Variants in ZMYND11 observed in about 807,000 individuals in gnomAD.
ZMYND11 encodes the protein zinc finger MYND domain-containing protein 11.
Under a neutral mutation model 84.9 loss-of-function variants are expected in ZMYND11, and 9 were observed. That is an observed-to-expected ratio of 0.11 (90% CI 0.06 to 0.18). The LOEUF is 0.18. Among genes scored for constraint, ZMYND11 ranks in the 10% least tolerant of loss-of-function variants. The probability of loss-of-function intolerance (pLI) is 1.00; values close to 1 mark genes in which losing one functional copy is unlikely to be tolerated. For synonymous variants in ZMYND11, 250 were observed against 244.1 expected (o/e 1.02, Z -0.23); for missense variants, 409 against 761.0 (o/e 0.54, Z 5.44).
Position 246,962 on chromosome 10 carries a change from A to T in ZMYND11, c.1147A>T (p.Ser383Cys). The T allele has an allele frequency of 6.2e-7, 1 of 1,605,966 alleles. No homozygotes were observed. Residue 383 changes from serine (S) to cysteine (C), a missense_variant, in exon 11 of 15, where the codon AGT (serine) becomes TGT (cysteine). Around this residue, in one of 7 missense-constraint regions of ZMYND11, gnomAD observed 19 missense variants for 60.5 expected, o/e 0.31. Transcript: ENST00000381604. ...EEAESSISSTSNEQLKVTQEP... is the reference protein window; with the variant it reads ...EEAESSISSTCNEQLKVTQEP... ...GGCAGAATCCAGTATCTCCTCCACC[A>T]GTAATGAGCAGGTGAGTGTGTCTCC... is the stretch of plus-strand genomic sequence containing the variant.
Position 252,498 on chromosome 10 carries a change from T to C in ZMYND11, c.*28T>C. On this transcript the variant is annotated 3_prime_UTR_variant, in exon 15 of 15. Transcript: ENST00000381604. This position sits in a 1 kb window ranked among gnomAD's most constrained non-coding sequence, Gnocchi z 4.6. Reference sequence around the variant, plus strand: ...CTGGCCCTTCCCGGAGTCACCCCGATGATTACTCTTTTCAGACACAGCGGT... The same window carrying C: ...CTGGCCCTTCCCGGAGTCACCCCGACGATTACTCTTTTCAGACACAGCGGT... The C allele has an allele frequency of 2.5e-6, 4 of 1,596,760 alleles. No individual in the cohort carries two copies. Among genetic ancestry groups the C allele is most frequent in the Non-Finnish European group, 3.4e-6 (4 of 1,174,396 alleles).
At chr10:150,594 C>T (rs1041918820) in intron 1 of ZMYND11, among the ~76,000 whole-genome samples, 3 of 152,146 alleles carry the variant, frequency 2.0e-5, no homozygotes, top group Non-Finnish European at 2.9e-5. Flanking sequence ...CCTGGAGGCT[C>T]GAACTGGGTG....
At position 212,422 on chromosome 10, in the gene ZMYND11, G is replaced by T. The variant is rs532616818; in HGVS notation, c.276+2374G>T. Among the ~76,000 whole-genome samples the T allele has an allele frequency of 5.9e-4, 90 of 151,610 alleles. 1 individual carries two copies. In the Middle Eastern group the frequency reaches 0.021, roughly 35 times the overall value. On this transcript the variant is annotated intron_variant, in intron 3 of 14. Transcript: ENST00000381604. ...ATTCTAAAATGGCTGTATAATATAAGCACAAGTGAATATATCAAAATTGTG... is the reference window on the plus strand; with the variant it reads ...ATTCTAAAATGGCTGTATAATATAATCACAAGTGAATATATCAAAATTGTG...
At chr10:203,807 A>G (rs1358264284) in intron 2 of ZMYND11, among the ~76,000 whole-genome samples, 1 of 152,234 alleles carries the variant, frequency 6.6e-6, no homozygotes, top group East Asian at 1.9e-4. Flanking sequence ...AGTTTCTGGA[A>G]GGAATCAAGC....
intron 3 of ZMYND11, among the ~76,000 whole-genome samples, chr10:219,952 T>C (rs1190757524): frequency 6.6e-6 from 1 of 152,200 alleles, no homozygotes. Flanking sequence ...TGGATGTGGT[T>C]TGGAAGACAT....
Position 254,012 on chromosome 10 carries a change from G to GT in ZMYND11, c.*1543dup, listed in dbSNP as rs1953953351. 2 of 152,388 alleles carry GT rather than the reference G, an allele frequency of 1.3e-5. No homozygotes were observed. The highest frequency in any genetic ancestry group is 2.9e-5 in the Non-Finnish European group (2 of 68,040). 9.4% of individuals were successfully genotyped at this position (152,388 alleles called of 1,614,324 possible). A position where few individuals can be genotyped will look rare whatever the true frequency, so the allele number is the denominator to read the frequency against. On this transcript the variant is annotated 3_prime_UTR_variant, in exon 15 of 15. Transcript: ENST00000381604. ...CACAATATTTTGTAAAAAGTACCCA[G>GT]TAGCCCCATTTCATACAATGTACCT...
chr10:197,961 A>G (rs1355916505), intron 2 of ZMYND11: 7 of 660,528 alleles, frequency 1.1e-5, no homozygotes, highest in Non-Finnish European at 1.9e-5. Flanking sequence ...TTACATCATT[A>G]CACAGATATG....
chr10:167,201 GC>G (rs1844206602), intron 1 of ZMYND11, among the ~76,000 whole-genome samples: 1 of 152,068 alleles, frequency 6.6e-6, no homozygotes, highest in Non-Finnish European at 1.5e-5. Context: ...AGTTAGTGCT[GC>G]CAGATTGTGT....
chr10:231,197 A>G (rs1205888346), intron 4 of ZMYND11, among the ~76,000 whole-genome samples: 6 of 152,332 alleles, frequency 3.9e-5, no homozygotes, highest in Admixed American at 3.9e-4. Context: ...AAAGCCTAAA[A>G]TATTTGCTCT....
chr10:171,260 A>G (rs782459085), intron 1 of ZMYND11, among the ~76,000 whole-genome samples: 1 of 152,204 alleles, frequency 6.6e-6, no homozygotes, highest in Non-Finnish European at 1.5e-5. Context: ...AAATAGATTG[A>G]TCTAGCAGGC....
At position 237,623 on chromosome 10, in the gene ZMYND11, C is replaced by T. The variant is rs1222166818; in HGVS notation, c.555C>T (p.His185=). ...ATAAAAAGGGGAAGGACAATAAACACCCGATGTACAGGAGGCTGGTGCACT... is the reference window on the plus strand; with the variant it reads ...ATAAAAAGGGGAAGGACAATAAACATCCGATGTACAGGAGGCTGGTGCACT... The part of the protein sequence containing the change: ...DLNKKGKDNK[H]PMYRRLVHSA... Residue 185 remains histidine (H), a synonymous_variant, in exon 6 of 15, where the codon CAC becomes CAT. Transcript: ENST00000381604. The T allele has an allele frequency of 1.9e-6, 3 of 1,613,592 alleles. No homozygotes were observed. In the South Asian group the frequency reaches 3.3e-5, roughly 18 times the overall value.
intron 2 of ZMYND11, among the ~76,000 whole-genome samples, chr10:181,824 T>C (rs1285795366): frequency 6.6e-6 from 1 of 152,180 alleles, no homozygotes; most frequent in African/African-American, 2.4e-5. Flanking sequence ...TAGTACATTA[T>C]TTTAATTATT....
chr10:132,452 G>A (rs906716231), upstream of ZMYND11, among the ~76,000 whole-genome samples: 11 of 151,720 alleles, frequency 7.3e-5, no homozygotes, highest in African/African-American at 2.7e-4. Context: ...TGAGGATGGG[G>A]GGCTGTAGCA....
intron 14 of ZMYND11, among the ~76,000 whole-genome samples, chr10:250,042 G>C (rs1265420737): frequency 6.6e-6 from 1 of 152,202 alleles, no homozygotes; most frequent in Non-Finnish European, 1.5e-5. Context: ...GGGTGTTATA[G>C]CCTTCAGTAC....
intron 1 of ZMYND11, among the ~76,000 whole-genome samples, chr10:165,116 G>A (rs1162283661): frequency 1.3e-5 from 2 of 151,946 alleles, no homozygotes; most frequent in East Asian, 3.9e-4. Context: ...TTCTCCACCT[G>A]CCACTTACTC....
chr10:244,401 A>G (rs1359098606), intron 10 of ZMYND11: 1 of 152,218 alleles, frequency 6.6e-6, no homozygotes, highest in Non-Finnish European at 1.5e-5. Flanking sequence ...GTCGGAGACA[A>G]TGAGCACGTT....
intron 10 of ZMYND11, among the ~76,000 whole-genome samples, chr10:246,230 A>C (rs1419343523): frequency 6.6e-6 from 1 of 152,264 alleles, no homozygotes; most frequent in Non-Finnish European, 1.5e-5. Context: ...GAGTAGAGGC[A>C]TGATACAAAT....
At chr10:248,186 T>G in intron 12 of ZMYND11, 150 bp from the exon 13 acceptor site, 1 of 912,376 alleles carries the variant, frequency 1.1e-6, no homozygotes. Flanking sequence ...AAAATATACG[T>G]GACATCTACC....
At chr10:185,156 T>G (rs189125054) in intron 2 of ZMYND11, among the ~76,000 whole-genome samples, 420 of 152,206 alleles carry the variant, frequency 2.8e-3, no homozygotes, top group Admixed American at 0.017. Flanking sequence ...AGTGCTATTA[T>G]CAAGTGGGCC....
Sources: allele counts gnomAD v4.1 joint callset (sites outside exome capture counted in the v4.1 genomes callset), GRCh38; gene constraint gnomAD v4.1.1; regional missense constraint gnomAD v4.1.1; non-coding constraint Gnocchi (gnomAD v3.1); transcripts MANE v1.5; gene names NCBI Gene and HGNC (gene_info 2026-07-23, HGNC 2026-07-21).